Variants in ARHGAP15 observed in about 807,000 individuals in gnomAD.
ARHGAP15 encodes Rho GTPase activating protein 15.
In ARHGAP15, 51 loss-of-function variants were observed where a neutral mutation model predicts 63.7. The ratio of observed to expected loss-of-function variants is 0.80; its 90% CI spans 0.64 to 1.01. The LOEUF (loss-of-function observed/expected upper bound fraction) is 1.01, where lower values mean the gene tolerates loss of function less well. Among genes scored for constraint, ARHGAP15 ranks in the 50% least tolerant of loss-of-function variants. The pLI is 0.00. For synonymous variants in ARHGAP15, 191 were observed against 193.8 expected (o/e 0.99, Z 0.12); for missense variants, 560 against 564.6 (o/e 0.99, Z 0.08).
At chr2:143,746,884 T>C (rs1312094927) in intron 13 of ARHGAP15, among the ~76,000 whole-genome samples, 5 of 152,132 alleles carry the variant, frequency 3.3e-5, no homozygotes, top group Admixed American at 3.3e-4. Context: ...AATGTGGCAA[T>C]AAAAATAGTA....
At chr2:143,131,590 C>A (rs1193481956) in intron 1 of ARHGAP15, among the ~76,000 whole-genome samples, 1 of 152,170 alleles carries the variant, frequency 6.6e-6, no homozygotes, top group Non-Finnish European at 1.5e-5. Flanking sequence ...ATAGACCCTT[C>A]CATTCACTGG....
At chr2:143,650,264 A>G (rs1681093901) in intron 12 of ARHGAP15, among the ~76,000 whole-genome samples, 1 of 151,914 alleles carries the variant, frequency 6.6e-6, no homozygotes, top group African/African-American at 2.4e-5. Context: ...AGGTGGCACT[A>G]TCATTATTCA....
chr2:143,563,065 G>C (rs1696092884), intron 11 of ARHGAP15, among the ~76,000 whole-genome samples: 1 of 152,312 alleles, frequency 6.6e-6, no homozygotes, highest in Non-Finnish European at 1.5e-5. Context: ...ATGGGGAAAA[G>C]CACCAGATAA....
At chr2:143,421,161 T>C (rs1051950449) in intron 6 of ARHGAP15, among the ~76,000 whole-genome samples, 1 of 152,152 alleles carries the variant, frequency 6.6e-6, no homozygotes, top group Non-Finnish European at 1.5e-5. Flanking sequence ...ATAAAGGAAC[T>C]CTTGCTTTAA....
At chr2:143,361,683 TAA>T (rs560359513) in intron 6 of ARHGAP15, among the ~76,000 whole-genome samples, 4 of 149,064 alleles carry the variant, frequency 2.7e-5, no homozygotes, top group Admixed American at 2.7e-4. Context: ...CTTTGGGATT[TAA>T]AAAAAAAAAT....
At chr2:143,185,476 A>T (rs531984004) in intron 2 of ARHGAP15, among the ~76,000 whole-genome samples, 1 of 152,182 alleles carries the variant, frequency 6.6e-6, no homozygotes, top group Non-Finnish European at 1.5e-5. Flanking sequence ...TTCAAACTGC[A>T]GTCTCCTCTA....
rs115759413 is a variant in ARHGAP15 at position 143,351,766 on chromosome 2, G to A, written c.475-83835G>A. Among the ~76,000 whole-genome samples the A allele has an allele frequency of 7.3e-3, 1,114 of 152,164 alleles. 16 individuals are homozygous for A. The highest frequency in any genetic ancestry group is 0.025 in the African/African-American group (1,047 of 41,496). ...GTAAGATCGAACTAATTGCTAATTGGCATTTAGAAAATGAACTACTCTGGT... is the reference window on the plus strand; with the variant it reads ...GTAAGATCGAACTAATTGCTAATTGACATTTAGAAAATGAACTACTCTGGT... On this transcript the variant is annotated intron_variant, in intron 6 of 13. Coordinates refer to ENST00000295095, the MANE Select transcript of ARHGAP15 (RefSeq NM_018460.4).
Position 143,425,307 on chromosome 2 carries a change from A to G in ARHGAP15, c.475-10294A>G, listed in dbSNP as rs551804451. ...GGTGGTTTATTTTAATAAAAATACC[A>G]TTAAATTATCTCTATTTTTCTGTTG... is the stretch of plus-strand genomic sequence containing the variant. On this transcript the variant is annotated intron_variant, in intron 6 of 13. Coordinates refer to ENST00000295095, the MANE Select transcript of ARHGAP15 (RefSeq NM_018460.4). Among the ~76,000 whole-genome samples, 425 of 151,922 alleles carry G rather than the reference A, an allele frequency of 2.8e-3. 1 individual carries two copies. Among genetic ancestry groups the G allele is most frequent in the African/African-American group, 9.8e-3 (405 of 41,354 alleles).
intron 6 of ARHGAP15, among the ~76,000 whole-genome samples, chr2:143,337,787 C>CA (rs1684872782): frequency 6.6e-6 from 1 of 152,028 alleles, no homozygotes; most frequent in African/African-American, 2.4e-5. Flanking sequence ...AAAATCCTAC[C>CA]AAAACACTGG....
chr2:143,155,358 G>A (rs1237749593), intron 1 of ARHGAP15, 119 bp from the exon 2 acceptor site: 3 of 945,548 alleles, frequency 3.2e-6, no homozygotes, highest in Non-Finnish European at 4.5e-6. Flanking sequence ...TAGTCAGAGA[G>A]GTGAAGACTC....
rs749607784 is a variant in ARHGAP15, at chr2:143,624,117, C to T, written c.1004-16C>T. On this transcript the variant is annotated splice_polypyrimidine_tract_variant and intron_variant, in intron 11 of 13. Transcript: ENST00000295095. ...CATTAAAACCAGTTGTTCCATTTCT[C>T]CTCGTGTTTTCCCAGAAGAGAAGCT... The T allele has an allele frequency of 6.2e-6, 10 of 1,611,562 alleles. No homozygotes were observed. In the South Asian group the frequency reaches 8.8e-5, roughly 14 times the overall value.
chr2:143,542,845 TG>T (rs1344618814), intron 10 of ARHGAP15, among the ~76,000 whole-genome samples: 110 of 139,494 alleles, frequency 7.9e-4, no homozygotes, highest in African/African-American at 2.8e-3. Flanking sequence ...ATAGTATATA[TG>T]ATATATATAA....
chr2:143,559,599 G>A (rs1695942224), intron 11 of ARHGAP15, among the ~76,000 whole-genome samples: 1 of 152,208 alleles, frequency 6.6e-6, no homozygotes, highest in Admixed American at 6.5e-5. Flanking sequence ...TTGCTAATCA[G>A]ATTATCCTTT....
chr2:143,155,755 T>C (rs1690052280), intron 2 of ARHGAP15, 100 bp downstream of exon 2: 2 of 1,262,842 alleles, frequency 1.6e-6, no homozygotes. Flanking sequence ...GTTTTCCTAA[T>C]GTGCATGAGA....
chr2:143,661,225 C>A (rs897875133), intron 12 of ARHGAP15, among the ~76,000 whole-genome samples: 8 of 152,178 alleles, frequency 5.3e-5, no homozygotes, highest in African/African-American at 1.9e-4. Flanking sequence ...CCTCAAAGTC[C>A]TTAACTTGAT....
At chr2:143,413,966 T>TGTGTGTGTGTGCGCGCGCACGC in intron 6 of ARHGAP15, among the ~76,000 whole-genome samples, 11 of 117,924 alleles carry the variant, frequency 9.3e-5, no homozygotes, top group Admixed American at 9.2e-4. Context: ...TGTGTGTGTG[T>TGTGTGTGTGTGCGCGCGCACGC]GCGCGCTCTC....
chr2:143,204,489 C>G (rs1299826490), intron 3 of ARHGAP15, among the ~76,000 whole-genome samples: 1 of 152,006 alleles, frequency 6.6e-6, no homozygotes, highest in Admixed American at 6.6e-5. Context: ...AACTGGGGTC[C>G]CTTTTAAAAA....
chr2:143,316,857 T>C (rs1301562544), intron 6 of ARHGAP15, among the ~76,000 whole-genome samples: 1 of 152,082 alleles, frequency 6.6e-6, no homozygotes, highest in Admixed American at 6.6e-5. Context: ...TATTCACTCC[T>C]CTTATAGTAT....
At chr2:143,448,470 T>G (rs1044951071) in intron 8 of ARHGAP15, among the ~76,000 whole-genome samples, 1 of 151,972 alleles carries the variant, frequency 6.6e-6, no homozygotes, top group African/African-American at 2.4e-5. Context: ...GGTAAGGAGA[T>G]GAATTCAGAG....
Sources: gnomAD v4.1 joint callset for allele counts (sites outside exome capture counted in the v4.1 genomes callset) on GRCh38, gnomAD v4.1.1 for gene constraint, MANE v1.5 for transcripts, NCBI Gene and HGNC (gene_info 2026-07-23, HGNC 2026-07-21) for gene names.